The following JAKMIP2 variants were observed in gnomAD, a reference collection of about 807,000 sequenced individuals.
JAKMIP2 encodes janus kinase and microtubule interacting protein 2.
A neutral mutation model predicts 115.0 loss-of-function variants in JAKMIP2; 25 were observed. The observed-to-expected ratio is 0.22, with a 90% confidence interval of 0.16 to 0.30. The LOEUF is 0.30. Among genes scored for constraint, JAKMIP2 ranks in the 10% least tolerant of loss-of-function variants. The probability of loss-of-function intolerance (pLI) is 1.00; values close to 1 mark genes in which losing one functional copy is unlikely to be tolerated. For missense variants in JAKMIP2, 642 were observed against 957.6 expected (o/e 0.67, Z 4.35); for synonymous variants, 334 against 343.6 (o/e 0.97, Z 0.31).
chr5:147,742,155 A>ATTTTTTTT (rs755006646), intron 1 of JAKMIP2, among the ~76,000 whole-genome samples: 2 of 108,882 alleles, frequency 1.8e-5, no homozygotes, highest in South Asian at 3.1e-4. Context: ...ATATATATAT[A>ATTTTTTTT]TTTTTTTTAC....
chr5:147,659,216 G>C (rs776911197), intron 3 of JAKMIP2, among the ~76,000 whole-genome samples: 1 of 152,174 alleles, frequency 6.6e-6, no homozygotes, highest in Non-Finnish European at 1.5e-5. Context: ...GATTGCAAGT[G>C]TCCATGGGAA....
chr5:147,620,738 C>A lies in JAKMIP2; in HGVS notation c.2070G>T (p.Gln690His). ...KMMELESDMEQFCKIKGYLEE... is the reference protein window; with the variant it reads ...KMMELESDMEHFCKIKGYLEE... ...CCAGATAGCCTTTTATTTTGCAGAA[C>A]TGTTCCTATAACAAAGGGCCATATT... Residue 690 changes from glutamine (Q) to histidine (H), a missense_variant, in exon 18 of 22, where the codon CAG (glutamine) becomes CAT (histidine). Gln to His is a conservative substitution (Grantham distance 24). Transcript: ENST00000616793. 6.2e-7 allele frequency: 1 copy of A among 1,612,718 alleles called. No homozygotes were observed.
intron 21 of JAKMIP2, among the ~76,000 whole-genome samples, chr5:147,599,238 A>G (rs1274796973): frequency 6.6e-6 from 1 of 152,202 alleles, no homozygotes; most frequent in Non-Finnish European, 1.5e-5. Flanking sequence ...TTTGACATGC[A>G]TAACCTCGTC....
intron 21 of JAKMIP2, among the ~76,000 whole-genome samples, chr5:147,597,959 C>A (rs1482774306): frequency 6.8e-6 from 1 of 147,596 alleles, no homozygotes; most frequent in Middle Eastern, 3.2e-3. Flanking sequence ...AGAGTTACAC[C>A]TCTGGCTTCC....
At chr5:147,596,092 G>T (rs1581258618) in intron 21 of JAKMIP2, among the ~76,000 whole-genome samples, 1 of 152,156 alleles carries the variant, frequency 6.6e-6, no homozygotes, top group Non-Finnish European at 1.5e-5. Flanking sequence ...AGGCAGGAAG[G>T]CACATGGTTC....
At chr5:147,646,918 A>T (rs1758162763) in intron 5 of JAKMIP2, among the ~76,000 whole-genome samples, 1 of 151,804 alleles carries the variant, frequency 6.6e-6, no homozygotes, top group Admixed American at 6.6e-5. Flanking sequence ...AAATTTAAAG[A>T]ACTAAGAAGG....
At chr5:147,679,639 A>G (rs913705628) in intron 1 of JAKMIP2, among the ~76,000 whole-genome samples, 2 of 152,224 alleles carry the variant, frequency 1.3e-5, no homozygotes, top group Non-Finnish European at 2.9e-5. Flanking sequence ...AATGGCATTA[A>G]CTCATTGAAC....
intron 16 of JAKMIP2, among the ~76,000 whole-genome samples, chr5:147,625,967 G>A (rs183793107): frequency 1.3e-4 from 20 of 152,248 alleles, no homozygotes; most frequent in Non-Finnish European, 2.4e-4. Context: ...CCCCTAATAT[G>A]TTCTCACTCA....
At chr5:147,779,046 T>C (rs1179318255) in intron 1 of JAKMIP2, among the ~76,000 whole-genome samples, 2 of 152,130 alleles carry the variant, frequency 1.3e-5, no homozygotes, top group Non-Finnish European at 2.9e-5. Flanking sequence ...TTATTTATGT[T>C]AAAACTTCCA....
chr5:147,743,599 G>T (rs574294341), intron 1 of JAKMIP2, among the ~76,000 whole-genome samples: 2 of 152,186 alleles, frequency 1.3e-5, no homozygotes, highest in South Asian at 2.1e-4. Flanking sequence ...TAGGCTGCTT[G>T]ATTGGACAGT....
chr5:147,715,786 T>C (rs1752955603), intron 1 of JAKMIP2, among the ~76,000 whole-genome samples: 1 of 151,578 alleles, frequency 6.6e-6, no homozygotes, highest in South Asian at 2.1e-4. Context: ...CATCATATCA[T>C]CTCCAATGAT....
intron 1 of JAKMIP2, among the ~76,000 whole-genome samples, chr5:147,678,195 G>A (rs58542775): frequency 1.3e-5 from 2 of 152,068 alleles, no homozygotes; most frequent in African/African-American, 2.4e-5. Context: ...GTAAAGATGG[G>A]GTTTCACCAT....
intron 20 of JAKMIP2, 24 bp from the exon 21 acceptor site, chr5:147,601,835 T>G: frequency 8.4e-6 from 9 of 1,065,364 alleles, no homozygotes; most frequent in Non-Finnish European, 1.3e-5. Context: ...AGAAGAAGAT[T>G]ATGTAAATCT....
intron 1 of JAKMIP2, among the ~76,000 whole-genome samples, chr5:147,779,714 T>A (rs1345263829): frequency 6.6e-6 from 1 of 152,144 alleles, no homozygotes; most frequent in Non-Finnish European, 1.5e-5. Context: ...GGAGTCTTAC[T>A]GTTATAACCT....
intron 1 of JAKMIP2, among the ~76,000 whole-genome samples, chr5:147,778,487 T>C (rs1332229311): frequency 6.6e-6 from 1 of 152,086 alleles, no homozygotes; most frequent in African/African-American, 2.4e-5. Flanking sequence ...GTAAGATAAT[T>C]TGCTACCTTT....
chr5:147,729,179 G>A (rs1753628809), intron 1 of JAKMIP2, among the ~76,000 whole-genome samples: 1 of 152,148 alleles, frequency 6.6e-6, no homozygotes, highest in Non-Finnish European at 1.5e-5. Context: ...TGAATTAAGA[G>A]TTGGCTGACA....
intron 2 of JAKMIP2, among the ~76,000 whole-genome samples, chr5:147,670,186 G>A (rs1339130043): frequency 6.6e-6 from 1 of 152,168 alleles, no homozygotes; most frequent in African/African-American, 2.4e-5. Flanking sequence ...CTTAGCTAAG[G>A]CAGGGAGCAA....
intron 1 of JAKMIP2, among the ~76,000 whole-genome samples, chr5:147,720,504 G>T (rs1753224821): frequency 6.8e-6 from 1 of 147,712 alleles, no homozygotes; most frequent in African/African-American, 2.5e-5. Context: ...CGTAGATTTG[G>T]TCTTTTCACA....
intron 1 of JAKMIP2, among the ~76,000 whole-genome samples, chr5:147,711,520 C>T (rs757088791): frequency 6.6e-6 from 1 of 152,096 alleles, no homozygotes. Context: ...AAGAGAGAGG[C>T]ACTTATGGAT....
Sources: allele counts gnomAD v4.1 joint callset (sites outside exome capture counted in the v4.1 genomes callset), GRCh38; gene constraint gnomAD v4.1.1; transcripts MANE v1.5; gene names NCBI Gene and HGNC (gene_info 2026-07-23, HGNC 2026-07-21).